Variants in PAXBP1 observed in about 807,000 individuals in gnomAD.
PAXBP1 encodes PAX3- and PAX7-binding protein 1.
A neutral mutation model predicts 119.9 loss-of-function variants in PAXBP1; 44 were observed. The observed-to-expected ratio is 0.37, with a 90% CI of 0.29 to 0.47. The LOEUF (loss-of-function observed/expected upper bound fraction) is 0.47. Among genes scored for constraint, PAXBP1 ranks in the 20% least tolerant of loss-of-function variants. PAXBP1 has a pLI of 0.99. For synonymous variants in PAXBP1, 393 were observed against 406.6 expected (o/e 0.97, Z 0.40); for missense variants, 898 against 1,134.1 (o/e 0.79, Z 2.99).
Position 32,771,609 on chromosome 21 carries a change from C to T in PAXBP1, c.60G>A (p.Glu20=), listed in dbSNP as rs946796511. 2.7e-6 allele frequency: 4 copies of T among 1,467,644 alleles called. No individual in the cohort carries two copies. Among genetic ancestry groups the T allele is most frequent in the Non-Finnish European group, 3.6e-6 (4 of 1,115,064 alleles). The allele number at this position is 1,467,644 out of a possible 1,614,324, so 90.9% of individuals were successfully genotyped here. ...GCTCCTGCTCCTCATCGCGTTCCCG[C>T]TCTTCCTCTTCGGAGTCGTTCCGCT... is the stretch of plus-strand genomic sequence containing the variant. ...VRKRNDSEEE[E]RERDEEQEPP... The change falls in exon 1 of 18, where the codon GAG becomes GAA. Residue 20 remains glutamate (E), a synonymous_variant. Transcript: ENST00000331923.
chr21:32,761,971 A>G (rs2044155780), intron 4 of PAXBP1, 125 bp downstream of exon 4: 1 of 972,828 alleles, frequency 1.0e-6, no homozygotes, highest in East Asian at 2.6e-5. Flanking sequence ...TCCACGAGTC[A>G]AGACACTGCA....
At chr21:32,763,268 G>A (rs552621141) in intron 3 of PAXBP1, among the ~76,000 whole-genome samples, 2 of 152,114 alleles carry the variant, frequency 1.3e-5, no homozygotes, top group Non-Finnish European at 2.9e-5. Flanking sequence ...ATCCTATCAA[G>A]TAAATGTACT....
rs1463215317 is a variant in PAXBP1 at position 32,762,090 on chromosome 21, A to G, written c.871+6T>C. On this transcript the variant is annotated splice_donor_region_variant and intron_variant, in intron 4 of 17. Coordinates refer to ENST00000331923, the MANE Select transcript of PAXBP1 (RefSeq NM_016631.4). ...ATAGGCTTACTATTCAATTAAATCAAGTTACCTATTTCCTCAGCAATTTTT... is the reference window on the plus strand; with the variant it reads ...ATAGGCTTACTATTCAATTAAATCAGGTTACCTATTTCCTCAGCAATTTTT... 1.2e-6 allele frequency: 2 copies of G among 1,613,790 alleles called. No individual in the cohort carries two copies. The highest frequency in any genetic ancestry group is 8.5e-7 in the Non-Finnish European group (1 of 1,179,886).
chr21:32,743,640 G>T, intron 14 of PAXBP1, 38 bp downstream of exon 14: 1 of 1,409,690 alleles, frequency 7.1e-7, no homozygotes, highest in South Asian at 1.2e-5. Flanking sequence ...GAAACACAAT[G>T]GAGAATATTA....
chr21:32,742,758 T>C, intron 15 of PAXBP1: 1 of 266,078 alleles, frequency 3.8e-6, no homozygotes. Flanking sequence ...AGAGAGAAAC[T>C]ACATTCATAT....
intron 3 of PAXBP1, among the ~76,000 whole-genome samples, chr21:32,762,602 T>C (rs1279959812): frequency 1.3e-5 from 2 of 152,084 alleles, no homozygotes; most frequent in African/African-American, 4.8e-5. Flanking sequence ...TTATTTTAGC[T>C]ATAATTTTTT....
At chr21:32,751,934 G>T (rs1369114608) in intron 8 of PAXBP1, 1 of 152,166 alleles carries the variant, frequency 6.6e-6, no homozygotes, top group Non-Finnish European at 1.5e-5. Flanking sequence ...TAGTTTTCAA[G>T]AGATAGTTCT....
chr21:32,766,330 AATGTCAGTG>A (rs1201905971), intron 2 of PAXBP1, among the ~76,000 whole-genome samples: 1 of 152,210 alleles, frequency 6.6e-6, no homozygotes, highest in Non-Finnish European at 1.5e-5. Flanking sequence ...GTGATATGTG[AATGTCAGTG>A]GTCACATGTT....
At position 32,755,218 on chromosome 21, in the gene PAXBP1, A is replaced by G; in HGVS notation, c.1507+12T>C. ...GTTTAATGAATAATAAAAACCTTCAAGATGGACTGACTTGAATGGCTTGAA... is the reference window on the plus strand; with the variant it reads ...GTTTAATGAATAATAAAAACCTTCAGGATGGACTGACTTGAATGGCTTGAA... On this transcript the variant is annotated intron_variant, in intron 8 of 17. Transcript: ENST00000331923. The G allele has an allele frequency of 1.2e-6, 2 of 1,604,368 alleles. No homozygotes were observed. Among genetic ancestry groups the G allele is most frequent in the Admixed American group, 3.4e-5 (2 of 58,398 alleles).
intron 7 of PAXBP1, among the ~76,000 whole-genome samples, chr21:32,758,499 A>ACTGACTATC (rs2044079724): frequency 6.6e-6 from 1 of 152,086 alleles, no homozygotes; most frequent in Admixed American, 6.6e-5. Flanking sequence ...CATTTTGTCA[A>ACTGACTATC]CTGACTATCC....
chr21:32,748,417 A>T, intron 11 of PAXBP1, 82 bp downstream of exon 11: 1 of 1,400,664 alleles, frequency 7.1e-7, no homozygotes, highest in Non-Finnish European at 9.7e-7. Flanking sequence ...TATTTTGCTT[A>T]AGCTTACATC....
At chr21:32,762,865 T>G (rs536255385) in intron 3 of PAXBP1, among the ~76,000 whole-genome samples, 1 of 145,056 alleles carries the variant, frequency 6.9e-6, no homozygotes. Flanking sequence ...GAGCCGAGAT[T>G]GCACCACTGC....
At chr21:32,755,561 C>T in intron 7 of PAXBP1, 1 of 434,472 alleles carries the variant, frequency 2.3e-6, no homozygotes, top group Non-Finnish European at 3.9e-6. Flanking sequence ...CTATAATGTC[C>T]AGTGCCTAGT....
intron 8 of PAXBP1, among the ~76,000 whole-genome samples, chr21:32,752,679 G>A (rs910042183): frequency 7.9e-5 from 12 of 151,972 alleles, no homozygotes; most frequent in African/African-American, 1.5e-4. Flanking sequence ...TGCTCTTGTC[G>A]CCCAGAATGG....
In PAXBP1 at chr21:32,755,479, A is replaced by G; in HGVS notation, c.1384-126T>C. 8.9e-6 allele frequency: 11 copies of G among 1,234,812 alleles called. No individual in the cohort carries two copies. The South Asian group carries it at 1.7e-4, about 19-fold the overall frequency. The allele number at this position is 1,234,812 out of a possible 1,614,324, so 76.5% of individuals were successfully genotyped here. On this transcript the variant is annotated intron_variant, in intron 7 of 17. Transcript: ENST00000331923. ...ATGGACAGAATAATCATGAATCCCC[A>G]ACAGCACACAAGTAGCAAATTCTGT...
intron 1 of PAXBP1, 83 bp from the exon 2 acceptor site, chr21:32,770,025 C>A: frequency 2.1e-6 from 2 of 931,210 alleles, no homozygotes; most frequent in Non-Finnish European, 1.6e-6. Context: ...TACGTGCTGT[C>A]CAAATTATCC....
chr21:32,764,212 G>A (rs2044200093), intron 3 of PAXBP1, 136 bp downstream of exon 3: 2 of 817,384 alleles, frequency 2.4e-6, no homozygotes, highest in Admixed American at 6.9e-5. Context: ...ATTTGCAAAT[G>A]GAAAAACTCC....
At chr21:32,757,076 A>G (rs1390624425) in intron 7 of PAXBP1, among the ~76,000 whole-genome samples, 1 of 152,206 alleles carries the variant, frequency 6.6e-6, no homozygotes, top group African/African-American at 2.4e-5. Context: ...CAGGGAAACA[A>G]AAACAATGGC....
chr21:32,735,370 C>T (rs1307928265), intron 17 of PAXBP1, among the ~76,000 whole-genome samples: 1 of 152,054 alleles, frequency 6.6e-6, no homozygotes, highest in East Asian at 1.9e-4. Flanking sequence ...GAAAAGAAAG[C>T]AATCTGTTTT....
Sources: gnomAD v4.1 joint callset for allele counts (sites outside exome capture counted in the v4.1 genomes callset) on GRCh38, gnomAD v4.1.1 for gene constraint, MANE v1.5 for transcripts, NCBI Gene and HGNC (gene_info 2026-07-23, HGNC 2026-07-21) for gene names.